The following CXorf58 variants were observed in gnomAD, a reference collection of about 807,000 sequenced individuals.
CXorf58 encodes the protein uncharacterized protein CXorf58.
In CXorf58, 24 loss-of-function variants were observed where a neutral mutation model predicts 26.0. The ratio of observed to expected loss-of-function variants is 0.92; its 90% confidence interval spans 0.67 to 1.30. CXorf58 has a LOEUF of 1.30. Among genes scored for constraint, CXorf58 ranks in the 50% most tolerant of loss-of-function variants. The pLI is 0.00. For synonymous variants in CXorf58, 87 were observed against 86.1 expected (o/e 1.01, Z -0.06); for missense variants, 236 against 263.9 (o/e 0.89, Z 0.73).
At chrX:23,917,503 C>T (rs761245136) in intron 5 of CXorf58, among the ~76,000 whole-genome samples, 11 of 109,907 alleles carry the variant, frequency 1.0e-4, no homozygotes, top group Admixed American at 2.9e-4. Context: ...CCACAACCTC[C>T]ACCTGCCAGG....
intron 5 of CXorf58, among the ~76,000 whole-genome samples, chrX:23,924,451 A>G (rs1320663385): frequency 1.8e-5 from 2 of 109,552 alleles, no homozygotes; most frequent in Non-Finnish European, 3.8e-5. Context: ...CCTCCCAAGT[A>G]GCTGGGATTA....
chrX:23,936,134 A>G (rs1188882855), intron 7 of CXorf58, among the ~76,000 whole-genome samples: 1 of 109,987 alleles, frequency 9.1e-6, no homozygotes, highest in East Asian at 2.9e-4. Context: ...GGAGCCATCC[A>G]AGGCTGGAGT....
chrX:23,939,339 AGCTG>A lies in CXorf58; in HGVS notation c.*38_*41del. ...ACTAAGGAATCTATGTCAGAGTGTC[AGCTG>A]GAAAAAGAAAAAAGGACTCATTTTC... On this transcript the variant is annotated 3_prime_UTR_variant, in exon 9 of 9. Transcript: ENST00000379211. 2 of 1,010,083 alleles carry A rather than the reference AGCTG, an allele frequency of 2.0e-6. No homozygotes were observed. Among genetic ancestry groups the A allele is most frequent in the South Asian group, 2.2e-5 (1 of 46,359 alleles). The allele number at this position is 1,010,083 out of a possible 1,213,427, so 83.2% of individuals were successfully genotyped here. A position where few individuals can be genotyped will look rare whatever the true frequency, so the allele number is the denominator to read the frequency against.
At chrX:23,937,990 A>G (rs904040875) in intron 7 of CXorf58, among the ~76,000 whole-genome samples, 1 of 108,907 alleles carries the variant, frequency 9.2e-6, no homozygotes, top group African/African-American at 3.3e-5. Flanking sequence ...GGTTCAAGCA[A>G]TTCTCCTGCC....
intron 8 of CXorf58, 57 bp from the exon 9 acceptor site, chrX:23,939,187 A>C (rs1188636269): frequency 1.3e-6 from 1 of 752,317 alleles, no homozygotes; most frequent in East Asian, 3.2e-5. Flanking sequence ...ATTAAAATAT[A>C]AAGTAGTAAA....
chrX:23,929,711 A>G (rs941405325), intron 6 of CXorf58, among the ~76,000 whole-genome samples: 2 of 112,269 alleles, frequency 1.8e-5, no homozygotes, highest in Non-Finnish European at 3.8e-5. Context: ...TAAACAACAG[A>G]TTTTCAATGT....
chrX:23,910,797 A>C (rs1601955366), intron 2 of CXorf58, among the ~76,000 whole-genome samples: 2 of 74,065 alleles, frequency 2.7e-5, no homozygotes, highest in Non-Finnish European at 2.4e-5. Context: ...ACAGAGTCTC[A>C]CTCTGCCACC....
chrX:23,915,266 C>CCTCATCTTA (rs1241981147), intron 3 of CXorf58, among the ~76,000 whole-genome samples: 1 of 112,116 alleles, frequency 8.9e-6, no homozygotes, highest in African/African-American at 3.2e-5. Context: ...CTATTATCAT[C>CCTCATCTTA]CTCATCTTAC....
At chrX:23,931,890 A>G (rs1037187286) in intron 6 of CXorf58, among the ~76,000 whole-genome samples, 1 of 112,570 alleles carries the variant, frequency 8.9e-6, no homozygotes, top group Admixed American at 9.5e-5. Context: ...AAAGAAAAAA[A>G]CCCAACACAT....
chrX:23,915,463 A>C (rs1927695466), intron 3 of CXorf58, among the ~76,000 whole-genome samples: 1 of 111,843 alleles, frequency 8.9e-6, no homozygotes, highest in African/African-American at 3.2e-5. Context: ...TCATAGGGAA[A>C]TAATAGTGCC....
chrX:23,926,543 C>A (rs1471891956), intron 5 of CXorf58, among the ~76,000 whole-genome samples: 1 of 111,868 alleles, frequency 8.9e-6, no homozygotes, highest in African/African-American at 3.2e-5. Context: ...CATTGCAGTT[C>A]CTACGGTAAC....
intron 5 of CXorf58, among the ~76,000 whole-genome samples, chrX:23,926,795 G>A (rs999894010): frequency 4.5e-5 from 5 of 112,002 alleles, no homozygotes; most frequent in African/African-American, 1.6e-4. Context: ...CGAGGTGAGC[G>A]GATCACGAGG....
chrX:23,927,790 C>G (rs1440875076), intron 6 of CXorf58, among the ~76,000 whole-genome samples: 2 of 111,559 alleles, frequency 1.8e-5, no homozygotes, highest in African/African-American at 3.3e-5. Flanking sequence ...TTGTTCCCCT[C>G]TATGTGTCCA....
intron 3 of CXorf58, 32 bp from the exon 4 acceptor site, chrX:23,915,668 C>A: frequency 1.1e-6 from 1 of 922,407 alleles, no homozygotes; most frequent in Non-Finnish European, 1.6e-6. Flanking sequence ...TGGGATACTG[C>A]TTTCCTTTTA....
intron 7 of CXorf58, among the ~76,000 whole-genome samples, chrX:23,937,447 C>T (rs1456757904): frequency 1.9e-5 from 2 of 102,671 alleles, no homozygotes; most frequent in Non-Finnish European, 4.0e-5. Context: ...TTTTTGAGAC[C>T]GAGTTTCACT....
At chrX:23,919,998 C>G (rs1432035906) in intron 5 of CXorf58, among the ~76,000 whole-genome samples, 1 of 112,735 alleles carries the variant, frequency 8.9e-6, no homozygotes, top group Non-Finnish European at 1.9e-5. Context: ...TACTTTTCCC[C>G]CAATAAATGG....
At chrX:23,923,148 T>A (rs1601963206) in intron 5 of CXorf58, among the ~76,000 whole-genome samples, 1 of 112,273 alleles carries the variant, frequency 8.9e-6, no homozygotes, top group African/African-American at 3.2e-5. Flanking sequence ...ACACTGCAGA[T>A]GTCTGAGAAA....
At chrX:23,923,528 A>G (rs1190035818) in intron 5 of CXorf58, among the ~76,000 whole-genome samples, 1 of 109,205 alleles carries the variant, frequency 9.2e-6, no homozygotes, top group Non-Finnish European at 1.9e-5. Flanking sequence ...AGTCCCAGCT[A>G]CTCAGGAGGC....
In CXorf58 at chrX:23,920,473, T is replaced by C. The variant is rs76835851; in HGVS notation, c.423+4145T>C. On this transcript the variant is annotated intron_variant, in intron 5 of 8. Coordinates refer to ENST00000379211, the MANE Select transcript of CXorf58 (RefSeq NM_152761.3). ...ATGCAGGAGAGAAGACCACACAGCCTGGCAGTTTCTGATCAGATCCTGCAT... is the reference window on the plus strand; with the variant it reads ...ATGCAGGAGAGAAGACCACACAGCCCGGCAGTTTCTGATCAGATCCTGCAT... Among the ~76,000 whole-genome samples, 6 of 112,177 alleles carry C rather than the reference T, an allele frequency of 5.3e-5. No individual in the cohort carries two copies. In the East Asian group the frequency reaches 1.7e-3, roughly 31 times the overall value.
Sources: allele counts gnomAD v4.1 joint callset (sites outside exome capture counted in the v4.1 genomes callset), GRCh38; gene constraint gnomAD v4.1.1; transcripts MANE v1.5; gene names NCBI Gene and HGNC (gene_info 2026-07-23, HGNC 2026-07-21).